The following ABLIM2 variants were observed in gnomAD, a reference collection of about 807,000 sequenced individuals.
The protein encoded by ABLIM2 is actin binding LIM protein family member 2.
ABLIM2 carries 53 observed loss-of-function variants against 97.7 expected under a neutral mutation model. That is an observed-to-expected ratio of 0.54 (90% CI 0.44 to 0.68). The LOEUF is 0.68. ABLIM2 is among the 30% of genes least tolerant of loss of function. The pLI is 0.00. For missense variants in ABLIM2, 835 were observed against 867.2 expected, an observed-to-expected ratio of 0.96 and a Z score of 0.47; for synonymous variants, 361 against 345.8, an observed-to-expected ratio of 1.04 and a Z score of -0.49.
chr4:7,990,072 C>T (rs1177940148), intron 17 of ABLIM2, among the ~76,000 whole-genome samples: 1 of 152,174 alleles, frequency 6.6e-6, no homozygotes, highest in Non-Finnish European at 1.5e-5. Context: ...CCCAGGAAAG[C>T]CTTTGCCTCC....
At chr4:8,129,920 A>C (rs755452028) in intron 1 of ABLIM2, among the ~76,000 whole-genome samples, 1 of 152,186 alleles carries the variant, frequency 6.6e-6, no homozygotes, top group South Asian at 2.1e-4. Flanking sequence ...GCTCAGAGAC[A>C]CTGGGGAGCC....
chr4:7,983,645 C>T, intron 18 of ABLIM2, 91 bp from the exon 19 acceptor site: 1 of 1,488,718 alleles, frequency 6.7e-7, no homozygotes, highest in East Asian at 2.4e-5. Flanking sequence ...TGGGGTACCC[C>T]TGTCTCCCCC....
intron 1 of ABLIM2, among the ~76,000 whole-genome samples, chr4:8,129,148 G>A (rs1226197667): frequency 3.9e-5 from 6 of 152,176 alleles, no homozygotes; most frequent in African/African-American, 1.4e-4. Context: ...GGCACTAGGG[G>A]CAGGAAATGT....
At position 8,045,214 on chromosome 4, in the gene ABLIM2, T is replaced by C. The variant is rs944212880; in HGVS notation, c.850A>G (p.Ile284Val). 18 of 1,613,676 alleles carry C rather than the reference T, an allele frequency of 1.1e-5. No homozygotes were observed. The highest frequency in any genetic ancestry group is 1.5e-5 in the Non-Finnish European group (18 of 1,179,830). Residue 284 changes from isoleucine (I) to valine (V), a missense_variant, in exon 9 of 21, where the codon ATT becomes GTT. Physicochemically the swap from Ile to Val is conservative, Grantham distance 29. Transcript: ENST00000447017. ...KETRTSSESI[I>V]SVPASSTSGS... Reference sequence around the variant, plus strand: ...GAGGTGCTGGAAGCAGGGACAGAAATGATGCTCTCTGAGGAAGTTCTGGTT... The same window carrying C: ...GAGGTGCTGGAAGCAGGGACAGAAACGATGCTCTCTGAGGAAGTTCTGGTT...
intron 9 of ABLIM2, among the ~76,000 whole-genome samples, chr4:8,039,875 T>TTTTTTTG (rs1787070141): frequency 2.1e-5 from 1 of 47,260 alleles, no homozygotes; most frequent in Non-Finnish European, 3.5e-5. Context: ...CTGATTACTG[T>TTTTTTTG]TTTTTTTTTT....
intron 1 of ABLIM2, among the ~76,000 whole-genome samples, chr4:8,129,906 C>T (rs1347680749): frequency 6.6e-6 from 1 of 152,232 alleles, no homozygotes; most frequent in South Asian, 2.1e-4. Context: ...GAGACCTCTT[C>T]CATGCTCAGA....
chr4:8,127,497 C>T lies in ABLIM2; in HGVS notation c.11-20860G>A. ...TCCCCTGAAGCTGACTCATGGAGCTCACGGCTCCCAGCCGGATGGTCTGGG... is the reference window on the plus strand; with the variant it reads ...TCCCCTGAAGCTGACTCATGGAGCTTACGGCTCCCAGCCGGATGGTCTGGG... On this transcript the variant is annotated intron_variant, in intron 1 of 20. Coordinates refer to ENST00000447017, the MANE Select transcript of ABLIM2 (RefSeq NM_001130083.2). The surrounding 1 kb of genome is among the most constrained non-coding windows in gnomAD (Gnocchi z 7.3). 3 of 1,289,530 alleles carry T rather than the reference C, an allele frequency of 2.3e-6. No individual in the cohort carries two copies. The highest frequency in any genetic ancestry group is 5.6e-5 in the East Asian group (1 of 18,014). 79.9% of individuals were successfully genotyped at this position (1,289,530 alleles called of 1,614,324 possible).
At chr4:8,101,062 C>G (rs1273739741) in intron 2 of ABLIM2, among the ~76,000 whole-genome samples, 1 of 152,228 alleles carries the variant, frequency 6.6e-6, no homozygotes, top group Non-Finnish European at 1.5e-5. Flanking sequence ...AGGGACCACC[C>G]AAGGTGCTGT....
chr4:8,042,797 C>A (rs971965020), intron 9 of ABLIM2, among the ~76,000 whole-genome samples: 5 of 149,762 alleles, frequency 3.3e-5, no homozygotes, highest in Admixed American at 2.0e-4. Context: ...TGAGATGGAG[C>A]CGTGGCACTC....
chr4:8,011,256 G>C (rs923951989), intron 14 of ABLIM2, among the ~76,000 whole-genome samples: 3 of 152,128 alleles, frequency 2.0e-5, no homozygotes, highest in Non-Finnish European at 2.9e-5. Flanking sequence ...ATCTGAGAGA[G>C]GGATGCTCTG....
chr4:8,025,616 G>A (rs868579127), intron 12 of ABLIM2, among the ~76,000 whole-genome samples: 99 of 152,184 alleles, frequency 6.5e-4, no homozygotes, highest in Non-Finnish European at 1.2e-4. Flanking sequence ...AGAATTAGAC[G>A]GTGGACACTC....
chr4:8,048,034 G>C (rs556480801), intron 8 of ABLIM2, among the ~76,000 whole-genome samples: 1 of 152,362 alleles, frequency 6.6e-6, no homozygotes, highest in African/African-American at 2.4e-5. Context: ...GAGGGAGGGA[G>C]CGTTGGCTGG....
chr4:8,000,834 G>A (rs981143324), intron 16 of ABLIM2, among the ~76,000 whole-genome samples: 1 of 152,162 alleles, frequency 6.6e-6, no homozygotes, highest in African/African-American at 2.4e-5. Flanking sequence ...AAGCACACAG[G>A]TGACAGATCT....
At chr4:8,090,639 G>A (rs1185670779) in intron 3 of ABLIM2, among the ~76,000 whole-genome samples, 3 of 152,036 alleles carry the variant, frequency 2.0e-5, no homozygotes, top group Non-Finnish European at 4.4e-5. Flanking sequence ...CCCAGGCACC[G>A]TGATCATCAT....
intron 17 of ABLIM2, 31 bp from the exon 18 acceptor site, chr4:7,984,924 A>G: frequency 6.2e-7 from 1 of 1,603,010 alleles, no homozygotes; most frequent in Non-Finnish European, 8.5e-7. Context: ...GGGCGGCAAG[A>G]GACAGGCGGC....
At chr4:8,136,285 G>A (rs570013492) in intron 1 of ABLIM2, among the ~76,000 whole-genome samples, 5 of 152,296 alleles carry the variant, frequency 3.3e-5, no homozygotes, top group South Asian at 4.1e-4. Flanking sequence ...GGCAGGGGCC[G>A]GGGAGTTAGT....
In ABLIM2 at chr4:8,002,122, C is replaced by A. The variant is rs984386834; in HGVS notation, c.1618+5937G>T. ...CAGTTGGAGTGGCTGGGGCTACCAA[C>A]TCCCACGGTTCCAGTCCCATCTGGG... On this transcript the variant is annotated intron_variant, in intron 16 of 20. Transcript: ENST00000447017. This position sits in a 1 kb window ranked among gnomAD's most constrained non-coding sequence, Gnocchi z 6.1. Among the ~76,000 whole-genome samples, 76 of 152,288 alleles carry A rather than the reference C, an allele frequency of 5.0e-4. No homozygotes were observed. Among genetic ancestry groups the A allele is most frequent in the Non-Finnish European group, 9.3e-4 (63 of 68,008 alleles).
intron 14 of ABLIM2, among the ~76,000 whole-genome samples, chr4:8,014,321 T>C (rs1414871803): frequency 6.6e-6 from 1 of 152,244 alleles, no homozygotes. Context: ...GCAGGAGGCT[T>C]TGAGGATTTG....
chr4:8,049,100 C>T (rs1008318759), intron 8 of ABLIM2, among the ~76,000 whole-genome samples: 4 of 152,172 alleles, frequency 2.6e-5, no homozygotes, highest in Middle Eastern at 3.2e-3. Flanking sequence ...TCGGTCACGG[C>T]GCCTCTGAGC....
Sources: allele counts gnomAD v4.1 joint callset (sites outside exome capture counted in the v4.1 genomes callset), GRCh38; gene constraint gnomAD v4.1.1; non-coding constraint Gnocchi (gnomAD v3.1); transcripts MANE v1.5; gene names NCBI Gene and HGNC (gene_info 2026-07-23, HGNC 2026-07-21).